The following SORBS3 variants were observed in gnomAD, a reference collection of about 807,000 sequenced individuals.
SORBS3 encodes the protein sorbin and SH3 domain containing 3.
In SORBS3, 69 loss-of-function variants were observed where a neutral mutation model predicts 98.0. That is an observed-to-expected ratio of 0.70 (90% confidence interval 0.58 to 0.86). The LOEUF (loss-of-function observed/expected upper bound fraction) is 0.86. SORBS3 is among the 40% of genes least tolerant of loss of function. SORBS3 has a pLI of 0.00. For missense variants in SORBS3, 954 were observed against 908.5 expected, an observed-to-expected ratio of 1.05 and a Z score of -0.64; for synonymous variants, 394 against 355.4, an observed-to-expected ratio of 1.11 and a Z score of -1.22.
At chr8:22,556,965 G>A in intron 4 of SORBS3, 57 bp downstream of exon 4, 4 of 1,571,710 alleles carry the variant, frequency 2.5e-6, no homozygotes, top group Non-Finnish European at 1.7e-6. Context: ...ACAGGGAGCT[G>A]CACTTCTGTG....
chr8:22,570,474 G>A (rs959800886), intron 17 of SORBS3, among the ~76,000 whole-genome samples: 1 of 152,298 alleles, frequency 6.6e-6, no homozygotes, highest in South Asian at 2.1e-4. Context: ...TGTTGATCTC[G>A]TTCACACCTC....
chr8:22,564,120 C>A (rs760736336), intron 8 of SORBS3, 43 bp downstream of exon 8: 21 of 1,577,106 alleles, frequency 1.3e-5, no homozygotes, highest in Non-Finnish European at 1.8e-5. Flanking sequence ...CAGCTGTATG[C>A]CGTATGGCCA....
In SORBS3 at chr8:22,554,253, G is replaced by T; in HGVS notation, c.-55-199G>T. The T allele has an allele frequency of 4.8e-6, 2 of 412,404 alleles. No individual in the cohort carries two copies. Among genetic ancestry groups the T allele is most frequent in the East Asian group, 4.7e-5 (1 of 21,084 alleles). 25.5% of individuals were successfully genotyped at this position (412,404 alleles called of 1,614,324 possible). On this transcript the variant is annotated intron_variant, in intron 1 of 20. Coordinates refer to ENST00000240123, the MANE Select transcript of SORBS3 (RefSeq NM_005775.5). This position sits in a 1 kb window ranked among gnomAD's most constrained non-coding sequence, Gnocchi z 6.5. ...CTGGGCCTAACAAGTGGTCCATTGT[G>T]CCCCTGGGAGCCGGCAGGCACGGGC...
chr8:22,558,223 C>T, intron 5 of SORBS3, 31 bp downstream of exon 5: 1 of 1,605,538 alleles, frequency 6.2e-7, no homozygotes, highest in Non-Finnish European at 8.5e-7. Flanking sequence ...CCTCTCCCTG[C>T]CAAAGTGGAT....
At chr8:22,561,644 C>G in intron 6 of SORBS3, 1 of 614,392 alleles carries the variant, frequency 1.6e-6, no homozygotes, top group South Asian at 1.9e-5. Flanking sequence ...ATGAGATCAT[C>G]ACCTACTCGG....
At chr8:22,562,857 C>G (rs1840324035) in intron 7 of SORBS3, among the ~76,000 whole-genome samples, 1 of 152,228 alleles carries the variant, frequency 6.6e-6, no homozygotes. Flanking sequence ...TGGCTCACGC[C>G]TGTAATCCCA....
In SORBS3 at chr8:22,564,511, A is replaced by G. The variant is rs1563827728; in HGVS notation, c.806A>G (p.Gln269Arg). ...LVDDPGEKPS[Q>R]PIEVLLEREL... ...GACGACCCTGGTGAGAAGCCCTCCC[A>G]GCCCATTGAGGTGAGTGCTGCAGGG... Residue 269 changes from glutamine to arginine, a missense_variant, in exon 10 of 21, where the codon CAG becomes CGG. Coordinates refer to ENST00000240123, the MANE Select transcript of SORBS3 (RefSeq NM_005775.5). 6.2e-7 allele frequency: 1 copy of G among 1,614,082 alleles called. No homozygotes were observed. The highest frequency in any genetic ancestry group is 8.5e-7 in the Non-Finnish European group (1 of 1,180,024).
chr8:22,565,503 C>A, intron 11 of SORBS3, 149 bp downstream of exon 11: 1 of 628,664 alleles, frequency 1.6e-6, no homozygotes, highest in Non-Finnish European at 2.4e-6. Flanking sequence ...CTCCTGGGCG[C>A]TGGCGGGCTC....
Position 22,565,840 on chromosome 8 carries a change from C to G in SORBS3, c.918C>G (p.Pro306=). The change falls in exon 12 of 21, where the codon CCC becomes CCG. Residue 306 remains proline, a synonymous_variant. Transcript: ENST00000240123. ...TCCCCGCGCAGAGCTCGCCGGCGCCCCGACGGGCCCCGGAGCAGCGGCCCC... is the reference window on the plus strand; with the variant it reads ...TCCCCGCGCAGAGCTCGCCGGCGCCGCGACGGGCCCCGGAGCAGCGGCCCC... ...RLPSPKSSPA[P]RRAPEQRPPA... 1 of 1,297,980 alleles carries G rather than the reference C, an allele frequency of 7.7e-7. No homozygotes were observed. The highest frequency in any genetic ancestry group is 9.8e-7 in the Non-Finnish European group (1 of 1,020,746). 80.4% of individuals were successfully genotyped at this position (1,297,980 alleles called of 1,614,324 possible).
rs949183122 is a variant in SORBS3, at chr8:22,566,860, G to A, written c.1182G>A (p.Gln394=). Residue 394 remains glutamine, a synonymous_variant, in exon 15 of 21, where the codon CAG becomes CAA. Transcript: ENST00000240123. ...AARLKFDFQA[Q]SPKELTLQKG... ...GGCTCAAGTTTGACTTCCAGGCGCAGTCCCCCAAGTAAGCGCCCTCCTCCC... is the reference window on the plus strand; with the variant it reads ...GGCTCAAGTTTGACTTCCAGGCGCAATCCCCCAAGTAAGCGCCCTCCTCCC... 6.2e-7 allele frequency: 1 copy of A among 1,611,758 alleles called. No homozygotes were observed.
intron 10 of SORBS3, 27 bp from the exon 11 acceptor site, chr8:22,565,241 C>T (rs1418563281): frequency 1.9e-6 from 3 of 1,539,830 alleles, no homozygotes; most frequent in Non-Finnish European, 2.6e-6. Context: ...CGCTGCCCCT[C>T]ACTGCCCAGC....
chr8:22,554,651 G>A lies in SORBS3; in HGVS notation c.102+43G>A, dbSNP rs753608739. On this transcript the variant is annotated intron_variant, in intron 2 of 20. Coordinates refer to ENST00000240123, the MANE Select transcript of SORBS3 (RefSeq NM_005775.5). The surrounding 1 kb of genome is among the most constrained non-coding windows in gnomAD (Gnocchi z 6.5). ...GAGGAGGGTGTCCTGCGGGCCCGGA[G>A]TTGGTTGGGACGCTAGCAGGTCAGG... is the stretch of plus-strand genomic sequence containing the variant. 1 of 1,571,816 alleles carries A rather than the reference G, an allele frequency of 6.4e-7. No individual in the cohort carries two copies.
chr8:22,572,890 G>A lies in SORBS3; in HGVS notation c.1954+444G>A, dbSNP rs557597465. Among the ~76,000 whole-genome samples the A allele has an allele frequency of 2.5e-3, 379 of 152,350 alleles. 1 individual carries two copies. The highest frequency in any genetic ancestry group is 0.01 in the Middle Eastern group (3 of 294). ...CCAGCCCCTCAGGGCTGGCCCAAGG[G>A]CAGCTCTGACCAAGGACAAATGCAG... is the stretch of plus-strand genomic sequence containing the variant. On this transcript the variant is annotated intron_variant, in intron 20 of 20. Transcript: ENST00000240123.
At chr8:22,548,978 A>G (rs1288369826), upstream of SORBS3, among the ~76,000 whole-genome samples, 2 of 152,146 alleles carry the variant, frequency 1.3e-5, no homozygotes, top group Admixed American at 1.3e-4. Flanking sequence ...CCTCCCCTGC[A>G]GGGGGGTGGG....
upstream of SORBS3, chr8:22,551,641 C>T: frequency 1.3e-6 from 1 of 773,730 alleles, no homozygotes; most frequent in South Asian, 5.8e-5. This position sits in a 1 kb window ranked among gnomAD's most constrained non-coding sequence, Gnocchi z 5.8. Flanking sequence ...CGGCCCCTCC[C>T]GGCGCCGCCT....
chr8:22,564,404 C>T (rs1221887288), intron 9 of SORBS3, 35 bp downstream of exon 9: 1 of 1,613,432 alleles, frequency 6.2e-7, no homozygotes, highest in Non-Finnish European at 8.5e-7. Flanking sequence ...TGTGCACGCA[C>T]CCTCAGCTGA....
At chr8:22,556,990 T>C in intron 4 of SORBS3, 82 bp downstream of exon 4, 1 of 1,504,012 alleles carries the variant, frequency 6.6e-7, no homozygotes. Context: ...AAAATGGGGG[T>C]GGGGCAATAA....
At chr8:22,555,639 T>A (rs1840169219) in intron 3 of SORBS3, among the ~76,000 whole-genome samples, 1 of 151,348 alleles carries the variant, frequency 6.6e-6, no homozygotes, top group Non-Finnish European at 1.5e-5. Context: ...TGACCTGAGG[T>A]CAGGAGTTCG....
At chr8:22,564,146 AT>A in intron 8 of SORBS3, 69 bp downstream of exon 8, 1 of 1,529,476 alleles carries the variant, frequency 6.5e-7, no homozygotes, top group South Asian at 1.1e-5. Flanking sequence ...CTATGCCACG[AT>A]GTCCTTTCAG....
Sources: gnomAD v4.1 joint callset for allele counts (sites outside exome capture counted in the v4.1 genomes callset) on GRCh38, gnomAD v4.1.1 for gene constraint, Gnocchi (gnomAD v3.1) non-coding constraint, MANE v1.5 for transcripts, NCBI Gene and HGNC (gene_info 2026-07-23, HGNC 2026-07-21) for gene names.